Variants in FOXP2 observed in about 807,000 individuals in gnomAD.
The protein encoded by FOXP2 is forkhead box P2, also known as forkhead box protein P2.
Under a neutral mutation model 115.8 loss-of-function variants are expected in FOXP2, and 12 were observed. That is an observed-to-expected ratio of 0.10 (90% confidence interval 0.07 to 0.17). FOXP2 has a LOEUF of 0.17. Ranked by LOEUF, FOXP2 falls within the 10% of genes least tolerant of loss-of-function variation. The pLI is 1.00. For synonymous variants in FOXP2, 328 were observed against 297.7 expected, an observed-to-expected ratio of 1.10 and a Z score of -1.05; for missense variants, 629 against 843.5, an observed-to-expected ratio of 0.75 and a Z score of 3.15.
chr7:114,290,856 TTTA>T (rs1480365675), intron 2 of FOXP2, among the ~76,000 whole-genome samples: 1 of 152,140 alleles, frequency 6.6e-6, no homozygotes, highest in Non-Finnish European at 1.5e-5. Context: ...ACAGTTCGTA[TTTA>T]ATACAGTTGA....
intron 2 of FOXP2, among the ~76,000 whole-genome samples, chr7:114,380,849 A>G (rs1430253746): frequency 6.6e-6 from 1 of 152,182 alleles, no homozygotes; most frequent in East Asian, 1.9e-4. Context: ...TTGCCACTAC[A>G]TCTATTTTCT....
At chr7:114,394,033 C>T (rs1288374305) in intron 2 of FOXP2, among the ~76,000 whole-genome samples, 1 of 147,932 alleles carries the variant, frequency 6.8e-6, no homozygotes, top group East Asian at 2.0e-4. Context: ...AGAGAGATCC[C>T]TTTGCTCTGT....
intron 1 of FOXP2, among the ~76,000 whole-genome samples, chr7:114,170,922 G>T (rs1447844338): frequency 6.6e-6 from 1 of 152,210 alleles, no homozygotes; most frequent in African/African-American, 2.4e-5. Context: ...TTAAATAACA[G>T]ATTTTCAATG....
intron 3 of FOXP2, among the ~76,000 whole-genome samples, chr7:114,575,555 T>G (rs1801528525): frequency 6.6e-6 from 1 of 151,806 alleles, no homozygotes; most frequent in African/African-American, 2.4e-5. Context: ...TCCAAATGCT[T>G]TCTGACTTGT....
chr7:114,659,130 C>T (rs751357770), intron 11 of FOXP2, among the ~76,000 whole-genome samples: 3 of 152,270 alleles, frequency 2.0e-5, no homozygotes, highest in East Asian at 1.9e-4. Context: ...GCCAGCAGGT[C>T]GCACAGTTCC....
chr7:114,620,087 G>A (rs908683357), intron 3 of FOXP2, among the ~76,000 whole-genome samples: 1 of 151,920 alleles, frequency 6.6e-6, no homozygotes, highest in South Asian at 2.1e-4. Context: ...ATAATGACAT[G>A]GTAAGAGCAC....
At chr7:114,314,429 A>C (rs1584629522) in intron 2 of FOXP2, among the ~76,000 whole-genome samples, 2 of 152,118 alleles carry the variant, frequency 1.3e-5, no homozygotes, top group Admixed American at 6.6e-5. Flanking sequence ...TTCAGACAGC[A>C]TGGGTAGTGT....
chr7:114,252,319 G>A (rs1204831434), intron 1 of FOXP2, among the ~76,000 whole-genome samples: 1 of 152,124 alleles, frequency 6.6e-6, no homozygotes, highest in Non-Finnish European at 1.5e-5. Context: ...AATGACTTAG[G>A]GAGGATTCCC....
At chr7:114,171,575 A>G (rs1349106400) in intron 1 of FOXP2, among the ~76,000 whole-genome samples, 1 of 152,180 alleles carries the variant, frequency 6.6e-6, no homozygotes, top group Non-Finnish European at 1.5e-5. Context: ...GTCTCTAAAA[A>G]TAAGAATAAA....
At chr7:114,298,021 C>T (rs1796786385) in intron 2 of FOXP2, among the ~76,000 whole-genome samples, 1 of 152,146 alleles carries the variant, frequency 6.6e-6, no homozygotes, top group Admixed American at 6.5e-5. Flanking sequence ...AGAAGTACAT[C>T]TTATTTGCTA....
At chr7:114,215,746 G>A (rs1346774748) in intron 1 of FOXP2, among the ~76,000 whole-genome samples, 3 of 151,688 alleles carry the variant, frequency 2.0e-5, no homozygotes, top group Admixed American at 1.3e-4. Flanking sequence ...GAATGAATAC[G>A]AATAGACGGT....
rs1802316172 is a variant in FOXP2 at position 114,589,218 on chromosome 7, T to C, written c.259-39322T>C. ...GCCACTTGTTAACATTTTTTAACTT[T>C]TCATTATTTTTTAGGCTATTGGCTT... On this transcript the variant is annotated intron_variant, in intron 3 of 16. Coordinates refer to ENST00000350908, the MANE Select transcript of FOXP2 (RefSeq NM_014491.4). Among the ~76,000 whole-genome samples, 2 of 152,228 alleles carry C rather than the reference T, an allele frequency of 1.3e-5. 1 individual carries two copies. The highest frequency in any genetic ancestry group is 4.1e-4 in the South Asian group (2 of 4,832).
chr7:114,474,466 C>T (rs1796172219), intron 2 of FOXP2, among the ~76,000 whole-genome samples: 1 of 152,174 alleles, frequency 6.6e-6, no homozygotes, highest in African/African-American at 2.4e-5. Context: ...GCATAACAAA[C>T]ATCCTGACTC....
chr7:114,115,170 G>T (rs1293006337), intron 1 of FOXP2, among the ~76,000 whole-genome samples: 2 of 152,006 alleles, frequency 1.3e-5, no homozygotes, highest in African/African-American at 4.8e-5. Context: ...GTGTCTTAGT[G>T]CATGTTTCTG....
intron 3 of FOXP2, among the ~76,000 whole-genome samples, chr7:114,553,390 T>G (rs1364654563): frequency 6.6e-6 from 1 of 152,224 alleles, no homozygotes; most frequent in Non-Finnish European, 1.5e-5. Flanking sequence ...AATAAAATTC[T>G]GAATGAAATA....
At chr7:114,511,251 T>C (rs1216805147) in intron 2 of FOXP2, among the ~76,000 whole-genome samples, 1 of 152,124 alleles carries the variant, frequency 6.6e-6, no homozygotes, top group Admixed American at 6.6e-5. Flanking sequence ...AAATACCTAA[T>C]GTAGATGACT....
intron 3 of FOXP2, among the ~76,000 whole-genome samples, chr7:114,567,930 C>T (rs1471202512): frequency 3.3e-5 from 5 of 152,082 alleles, no homozygotes; most frequent in African/African-American, 1.2e-4. Context: ...AATGATAGTG[C>T]AAAGTTTATT....
chr7:114,427,736 A>G (rs1793921432), intron 2 of FOXP2, among the ~76,000 whole-genome samples: 1 of 151,558 alleles, frequency 6.6e-6, no homozygotes, highest in African/African-American at 2.4e-5. Flanking sequence ...GCAAATGCCC[A>G]CACTAGAGTA....
chr7:114,487,144 A>C (rs1324020265), intron 2 of FOXP2, among the ~76,000 whole-genome samples: 1 of 152,174 alleles, frequency 6.6e-6, no homozygotes, highest in Non-Finnish European at 1.5e-5. Context: ...GGACATCCAG[A>C]AATTTGCGTA....
Sources: gnomAD v4.1 joint callset for allele counts (sites outside exome capture counted in the v4.1 genomes callset) on GRCh38, gnomAD v4.1.1 for gene constraint, MANE v1.5 for transcripts, NCBI Gene and HGNC (gene_info 2026-07-23, HGNC 2026-07-21) for gene names.